Variants in PTPRR observed in about 807,000 individuals in gnomAD.
PTPRR encodes the protein receptor-type tyrosine-protein phosphatase R.
A neutral mutation model predicts 77.2 loss-of-function variants in PTPRR; 38 were observed. The observed-to-expected ratio is 0.49, with a 90% CI of 0.38 to 0.65. PTPRR has a LOEUF of 0.65. PTPRR is among the 30% of genes least tolerant of loss of function. PTPRR has a pLI of 0.00. For missense variants in PTPRR, 744 were observed against 799.2 expected, an observed-to-expected ratio of 0.93 and a Z score of 0.83; for synonymous variants, 299 against 283.1, an observed-to-expected ratio of 1.06 and a Z score of -0.57.
At chr12:70,670,588 T>C (rs1260560534) in intron 10 of PTPRR, among the ~76,000 whole-genome samples, 2 of 152,242 alleles carry the variant, frequency 1.3e-5, no homozygotes, top group Non-Finnish European at 2.9e-5. Context: ...GTGTATGTAA[T>C]ATGGTCAACA....
At chr12:70,661,994 T>A (rs1050456773) in intron 11 of PTPRR, among the ~76,000 whole-genome samples, 4 of 152,210 alleles carry the variant, frequency 2.6e-5, no homozygotes, top group African/African-American at 9.6e-5. Context: ...AGTTTTCCTA[T>A]GACATAATCT....
chr12:70,900,563 G>A (rs1339586786), intron 1 of PTPRR, among the ~76,000 whole-genome samples: 1 of 151,376 alleles, frequency 6.6e-6, no homozygotes, highest in Non-Finnish European at 1.5e-5. Context: ...CACAGCAAAG[G>A]AAACAATTAA....
intron 5 of PTPRR, among the ~76,000 whole-genome samples, chr12:70,746,438 G>A (rs778781217): frequency 1.4e-4 from 21 of 152,074 alleles, no homozygotes; most frequent in Non-Finnish European, 1.8e-4. Flanking sequence ...TAAAACACAC[G>A]TCTATGACAT....
At chr12:70,786,861 T>C (rs550007645) in intron 2 of PTPRR, among the ~76,000 whole-genome samples, 104 of 152,346 alleles carry the variant, frequency 6.8e-4, no homozygotes, top group African/African-American at 2.4e-3. Context: ...TTCAACTTTT[T>C]TCTTAGTAAT....
intron 2 of PTPRR, among the ~76,000 whole-genome samples, chr12:70,819,697 T>C (rs1040023): frequency 0.2 from 31,042 of 152,034 alleles, 5,056 homozygotes; most frequent in African/African-American, 0.45. Flanking sequence ...AATGGAAGAA[T>C]TGGGTGGAAT....
chr12:70,764,823 T>C, intron 2 of PTPRR, 45 bp from the exon 3 acceptor site: 2 of 1,341,886 alleles, frequency 1.5e-6, no homozygotes, highest in Non-Finnish European at 1.1e-6. Context: ...AGTATTAATT[T>C]GTATAGATGT....
chr12:70,906,076 C>T (rs946333268), intron 1 of PTPRR, among the ~76,000 whole-genome samples: 8 of 151,550 alleles, frequency 5.3e-5, no homozygotes, highest in African/African-American at 1.7e-4. Context: ...GGGAAAGGTG[C>T]CTATTTAGTA....
chr12:70,668,284 G>GGAA (rs1260493135), intron 10 of PTPRR, among the ~76,000 whole-genome samples: 4 of 152,092 alleles, frequency 2.6e-5, no homozygotes, highest in African/African-American at 9.7e-5. Context: ...AGGAAGAGGA[G>GGAA]GAGGAGGAGG....
At chr12:70,768,164 C>A (rs1481679389) in intron 2 of PTPRR, among the ~76,000 whole-genome samples, 1 of 151,884 alleles carries the variant, frequency 6.6e-6, no homozygotes, top group African/African-American at 2.4e-5. Context: ...TAACTAAAAT[C>A]AGAGCAGAAC....
At chr12:70,788,963 G>T (rs1592758772) in intron 2 of PTPRR, 1 of 1,265,600 alleles carries the variant, frequency 7.9e-7, no homozygotes, top group East Asian at 2.8e-5. Context: ...TCACCTGGAG[G>T]TAACCGCCTG....
At chr12:70,709,871 T>G (rs182225540) in intron 6 of PTPRR, among the ~76,000 whole-genome samples, 3 of 152,236 alleles carry the variant, frequency 2.0e-5, no homozygotes, top group Non-Finnish European at 4.4e-5. Context: ...CATTCCACGT[T>G]CATGTATAGG....
chr12:70,838,380 C>T (rs902777115), intron 2 of PTPRR, among the ~76,000 whole-genome samples: 32 of 152,140 alleles, frequency 2.1e-4, no homozygotes, highest in Non-Finnish European at 3.8e-4. Context: ...GTTTTATCTA[C>T]TCTAAAGGTC....
chr12:70,885,124 T>C (rs73146189), intron 2 of PTPRR, among the ~76,000 whole-genome samples: 83 of 152,242 alleles, frequency 5.5e-4, no homozygotes, highest in Non-Finnish European at 5.7e-4. Flanking sequence ...ATTACAATTA[T>C]ATGAAGAATT....
chr12:70,739,643 C>T (rs1239860799), intron 6 of PTPRR, among the ~76,000 whole-genome samples: 1 of 152,148 alleles, frequency 6.6e-6, no homozygotes, highest in Non-Finnish European at 1.5e-5. Context: ...CAAGACAAAC[C>T]ACTTAAAAAC....
chr12:70,641,523 T>C (rs1886000275), intron 13 of PTPRR, among the ~76,000 whole-genome samples: 1 of 152,224 alleles, frequency 6.6e-6, no homozygotes. Flanking sequence ...CAAGGTTGTT[T>C]TAGCCAGTGA....
At chr12:70,675,370 C>A (rs1407247523) in intron 10 of PTPRR, among the ~76,000 whole-genome samples, 1 of 151,330 alleles carries the variant, frequency 6.6e-6, no homozygotes, top group Admixed American at 6.6e-5. Flanking sequence ...TTTTGTTTTC[C>A]CTTTTATTTT....
At chr12:70,764,487 G>C (rs1195716231) in intron 3 of PTPRR, among the ~76,000 whole-genome samples, 178 bp downstream of exon 3, 1 of 152,118 alleles carries the variant, frequency 6.6e-6, no homozygotes, top group Non-Finnish European at 1.5e-5. Flanking sequence ...AATACAAAAG[G>C]CATCATGGGC....
In PTPRR at chr12:70,802,442, T is replaced by G. The variant is rs1042637115; in HGVS notation, c.358-37664A>C. ...ATGGTCATGGGAATTAGGCACAAGA[T>G]ACAACCATTAAAATGGCTTTAAATA... is the stretch of plus-strand genomic sequence containing the variant. On this transcript the variant is annotated intron_variant, in intron 2 of 13. Coordinates refer to ENST00000283228, the MANE Select transcript of PTPRR (RefSeq NM_002849.4). Among the ~76,000 whole-genome samples, 16 of 152,300 alleles carry G rather than the reference T, an allele frequency of 1.1e-4. 1 individual carries two copies. The South Asian group carries it at 3.3e-3, about 32-fold the overall frequency.
intron 5 of PTPRR, among the ~76,000 whole-genome samples, chr12:70,750,468 T>C (rs1890355722): frequency 6.6e-6 from 1 of 152,220 alleles, no homozygotes; most frequent in Non-Finnish European, 1.5e-5. Context: ...AAAGTGATAG[T>C]ACAAGTATCA....
Sources: gnomAD v4.1 joint callset for allele counts (sites outside exome capture counted in the v4.1 genomes callset) on GRCh38, gnomAD v4.1.1 for gene constraint, MANE v1.5 for transcripts, NCBI Gene and HGNC (gene_info 2026-07-23, HGNC 2026-07-21) for gene names.